CSNK1G1: variants seen among roughly 807,000 people sequenced by gnomAD.
CSNK1G1 encodes casein kinase 1 gamma 1, also known as casein kinase I isoform gamma-1.
CSNK1G1 carries 22 observed loss-of-function variants against 59.6 expected under a neutral mutation model. That is an observed-to-expected ratio of 0.37 (90% confidence interval 0.26 to 0.53). CSNK1G1 has a LOEUF of 0.53. CSNK1G1 is among the 20% of genes least tolerant of loss of function. The pLI, the probability that CSNK1G1 is intolerant of heterozygous loss-of-function variation, is 0.89. For synonymous variants in CSNK1G1, 179 were observed against 177.1 expected (o/e 1.01, Z -0.08); for missense variants, 384 against 519.5 (o/e 0.74, Z 2.54).
chr15:64,293,730 T>G (rs1894864973), intron 2 of CSNK1G1, among the ~76,000 whole-genome samples: 1 of 152,200 alleles, frequency 6.6e-6, no homozygotes, highest in South Asian at 2.1e-4. Flanking sequence ...GAGTGCCACC[T>G]GAAAGATCAG....
chr15:64,215,695 AG>A (rs925407963), intron 5 of CSNK1G1, among the ~76,000 whole-genome samples: 6 of 152,344 alleles, frequency 3.9e-5, no homozygotes, highest in African/African-American at 2.4e-5. Flanking sequence ...AACTTCTCAA[AG>A]GAACTGTTGG....
rs917095807 is a variant in CSNK1G1, at chr15:64,244,275, C to CA, written c.292+7236dup. ...AAAGTAATTCCATTTACAATAGCTACAAAAAAAATACCTAGGAATAAATTC... is the reference window on the plus strand; with the variant it reads ...AAAGTAATTCCATTTACAATAGCTACAAAAAAAAATACCTAGGAATAAATTC... On this transcript the variant is annotated intron_variant, in intron 4 of 11. Coordinates refer to ENST00000303052, the MANE Select transcript of CSNK1G1 (RefSeq NM_022048.5). 8.6e-4 allele frequency among the ~76,000 whole-genome samples: 118 copies of CA among 136,876 alleles called. 1 individual carries two copies. Among genetic ancestry groups the CA allele is most frequent in the Admixed American group, 1.9e-3 (25 of 13,256 alleles). 89.8% of individuals were successfully genotyped at this position (136,876 alleles called of 152,430 possible).
intron 1 of CSNK1G1, among the ~76,000 whole-genome samples, chr15:64,344,901 G>A (rs1002203999): frequency 3.3e-5 from 5 of 152,166 alleles, no homozygotes. Context: ...GCATTAACCA[G>A]ATGGATCCCA....
chr15:64,269,492 A>ATTT (rs36065606), intron 2 of CSNK1G1, among the ~76,000 whole-genome samples: 1 of 117,238 alleles, frequency 8.5e-6, no homozygotes, highest in Admixed American at 8.8e-5. Flanking sequence ...TCTGATGGCT[A>ATTT]TTTTTTTTTT....
chr15:64,226,331 G>A (rs1437961233), intron 4 of CSNK1G1, among the ~76,000 whole-genome samples: 1 of 152,154 alleles, frequency 6.6e-6, no homozygotes. Context: ...AGGCCAAGGT[G>A]TATGGATCAC....
At chr15:64,179,779 G>A (rs572362120) in intron 11 of CSNK1G1, among the ~76,000 whole-genome samples, 145 of 152,354 alleles carry the variant, frequency 9.5e-4, no homozygotes, top group African/African-American at 3.2e-3. Flanking sequence ...GCAGAAAAGG[G>A]TGTGGGGCAA....
intron 2 of CSNK1G1, among the ~76,000 whole-genome samples, chr15:64,283,213 T>C (rs1894237633): frequency 6.6e-6 from 1 of 152,236 alleles, no homozygotes; most frequent in Non-Finnish European, 1.5e-5. Context: ...CCTTTGCCTA[T>C]TCTTAAATTG....
chr15:64,238,518 A>AAAATATAT (rs1555396879), intron 4 of CSNK1G1, among the ~76,000 whole-genome samples: 2 of 49,248 alleles, frequency 4.1e-5, no homozygotes, highest in African/African-American at 2.3e-4. Flanking sequence ...AAAAAAAAAA[A>AAAATATAT]ATATATATAT....
At chr15:64,219,884 G>A (rs2082364053) in intron 4 of CSNK1G1, among the ~76,000 whole-genome samples, 1 of 142,840 alleles carries the variant, frequency 7.0e-6, no homozygotes, top group Non-Finnish European at 1.5e-5. Context: ...AGTGATTCTC[G>A]TGCCTCGGCC....
At chr15:64,283,723 T>TC (rs1333901579) in intron 2 of CSNK1G1, among the ~76,000 whole-genome samples, 1 of 152,200 alleles carries the variant, frequency 6.6e-6, no homozygotes, top group Admixed American at 6.5e-5. Context: ...CCTCAAGTGA[T>TC]CCACCCACCT....
Position 64,345,004 on chromosome 15 carries a change from C to T in CSNK1G1, c.-225+10984G>A, listed in dbSNP as rs115111144. Among the ~76,000 whole-genome samples, 1,287 of 152,244 alleles carry T rather than the reference C, an allele frequency of 8.5e-3. 19 individuals are homozygous for T. The highest frequency in any genetic ancestry group is 0.029 in the African/African-American group (1,207 of 41,548). On this transcript the variant is annotated intron_variant, in intron 1 of 11. Coordinates refer to ENST00000303052, the MANE Select transcript of CSNK1G1 (RefSeq NM_022048.5). ...TTTCACACAGACAGTTCCTAGTTGA[C>T]TTATTTAACTAGGTGAAAAAACAAA...
At chr15:64,174,660 C>T (rs187878848) in intron 11 of CSNK1G1, among the ~76,000 whole-genome samples, 25 of 152,310 alleles carry the variant, frequency 1.6e-4, no homozygotes, top group African/African-American at 5.8e-4. Flanking sequence ...CCAAATCTCC[C>T]TACTCTCAAA....
At chr15:64,324,126 C>T (rs1896712868) in intron 1 of CSNK1G1, among the ~76,000 whole-genome samples, 1 of 152,194 alleles carries the variant, frequency 6.6e-6, no homozygotes, top group Admixed American at 6.5e-5. Context: ...GACATCCTGA[C>T]TCAAAAGCCC....
At chr15:64,337,440 C>G (rs1480748551) in intron 1 of CSNK1G1, among the ~76,000 whole-genome samples, 1 of 152,076 alleles carries the variant, frequency 6.6e-6, no homozygotes, top group African/African-American at 2.4e-5. Flanking sequence ...CCTCGAACTC[C>G]TGGGTTCAAG....
chr15:64,284,496 T>C (rs1359332614), intron 2 of CSNK1G1, among the ~76,000 whole-genome samples: 1 of 152,176 alleles, frequency 6.6e-6, no homozygotes, highest in Admixed American at 6.5e-5. Flanking sequence ...CCTATGACAA[T>C]ACTTTATAGT....
chr15:64,353,906 GC>G (rs1270522537), intron 1 of CSNK1G1, among the ~76,000 whole-genome samples: 3 of 152,132 alleles, frequency 2.0e-5, no homozygotes, highest in Non-Finnish European at 4.4e-5. Context: ...TGATTTAAAG[GC>G]AGAAATGTAT....
chr15:64,310,062 G>A (rs75894984), intron 1 of CSNK1G1, among the ~76,000 whole-genome samples: 11,462 of 151,496 alleles, frequency 0.076, 607 homozygotes, highest in Non-Finnish European at 0.11. Context: ...GTAGTGAGCT[G>A]TGATCACACC....
At chr15:64,201,720 G>GTA (rs1373060955) in intron 10 of CSNK1G1, among the ~76,000 whole-genome samples, 1 of 150,064 alleles carries the variant, frequency 6.7e-6, no homozygotes, top group Non-Finnish European at 1.5e-5. Context: ...GTGTGTGTGT[G>GTA]TGTGTGTGTG....
At chr15:64,282,481 G>A (rs186812656) in intron 2 of CSNK1G1, among the ~76,000 whole-genome samples, 2 of 151,978 alleles carry the variant, frequency 1.3e-5, no homozygotes, top group East Asian at 3.9e-4. Flanking sequence ...GACCAAGCTG[G>A]TCTCAAACTC....
Sources: allele counts gnomAD v4.1 joint callset (sites outside exome capture counted in the v4.1 genomes callset), GRCh38; gene constraint gnomAD v4.1.1; transcripts MANE v1.5; gene names NCBI Gene and HGNC (gene_info 2026-07-23, HGNC 2026-07-21).